HIVEP3: variants seen among roughly 807,000 people sequenced by gnomAD.
The protein encoded by HIVEP3 is transcription factor HIVEP3.
A neutral mutation model predicts 152.8 loss-of-function variants in HIVEP3; 49 were observed. The observed-to-expected ratio is 0.32, with a 90% confidence interval of 0.26 to 0.41. The LOEUF is 0.41. HIVEP3 is among the 10% of genes least tolerant of loss of function. The pLI, the probability that HIVEP3 is intolerant of heterozygous loss-of-function variation, is 1.00. For synonymous variants in HIVEP3, 1,269 were observed against 1,289.0 expected (o/e 0.98, Z 0.33); for missense variants, 2,790 against 3,103.3 (o/e 0.90, Z 2.40).
intron 1 of HIVEP3, among the ~76,000 whole-genome samples, chr1:41,944,279 T>C (rs1645062898): frequency 6.6e-6 from 1 of 152,226 alleles, no homozygotes; most frequent in Admixed American, 6.5e-5. Context: ...AATTTTGTTA[T>C]GTGTATTTTG....
At chr1:41,887,434 C>T (rs1317218876) in intron 1 of HIVEP3, among the ~76,000 whole-genome samples, 1 of 152,190 alleles carries the variant, frequency 6.6e-6, no homozygotes, top group Non-Finnish European at 1.5e-5. Flanking sequence ...TACAAAATCT[C>T]AACCCATCCC....
intron 1 of HIVEP3, among the ~76,000 whole-genome samples, chr1:41,868,053 A>G (rs1644011227): frequency 6.6e-6 from 1 of 151,920 alleles, no homozygotes; most frequent in African/African-American, 2.4e-5. Context: ...CTGAGCCCCA[A>G]CTGGCCCGCA....
chr1:41,586,636 T>C (rs1207964366), intron 3 of HIVEP3, among the ~76,000 whole-genome samples: 1 of 152,054 alleles, frequency 6.6e-6, no homozygotes, highest in Non-Finnish European at 1.5e-5. Context: ...GACTTGAAAA[T>C]GCCACTTACT....
intron 1 of HIVEP3, among the ~76,000 whole-genome samples, chr1:41,994,590 G>A (rs1401112269): frequency 6.6e-6 from 1 of 152,234 alleles, no homozygotes; most frequent in Non-Finnish European, 1.5e-5. Flanking sequence ...GCCATGTGAA[G>A]AAGGTGCTTG....
At chr1:41,997,655 C>T (rs1335162335) in intron 1 of HIVEP3, among the ~76,000 whole-genome samples, 1 of 152,146 alleles carries the variant, frequency 6.6e-6, no homozygotes, top group Non-Finnish European at 1.5e-5. Flanking sequence ...TGTTCTAATT[C>T]TCTAAGGACC....
intron 1 of HIVEP3, among the ~76,000 whole-genome samples, chr1:41,899,794 AC>A (rs1321591747): frequency 2.6e-5 from 4 of 151,998 alleles, no homozygotes; most frequent in Admixed American, 2.6e-4. Context: ...TACTATTATT[AC>A]CCCCCAGCTT....
chr1:41,683,492 G>A (rs1349679693), intron 2 of HIVEP3, among the ~76,000 whole-genome samples: 1 of 152,164 alleles, frequency 6.6e-6, no homozygotes, highest in African/African-American at 2.4e-5. Flanking sequence ...ATGAGTTCAC[G>A]GTGACTTCAG....
chr1:41,824,784 T>TATAGAGAG (rs1553266584), intron 1 of HIVEP3, among the ~76,000 whole-genome samples: 38 of 11,326 alleles, frequency 3.4e-3, no homozygotes, highest in South Asian at 5.2e-3. Context: ...TATATATATA[T>TATAGAGAG]AGAGAGAGAG....
chr1:41,622,297 A>C (rs1645057740), intron 3 of HIVEP3, among the ~76,000 whole-genome samples: 1 of 152,144 alleles, frequency 6.6e-6, no homozygotes, highest in Non-Finnish European at 1.5e-5. Flanking sequence ...TGCCATGGGG[A>C]AGGGGCACTC....
At chr1:41,669,680 C>T (rs1327877708) in intron 2 of HIVEP3, among the ~76,000 whole-genome samples, 1 of 152,188 alleles carries the variant, frequency 6.6e-6, no homozygotes, top group Non-Finnish European at 1.5e-5. Context: ...AGCCTACCCA[C>T]TTGCAGAATG....
At chr1:41,615,122 A>G (rs1644949196) in intron 3 of HIVEP3, among the ~76,000 whole-genome samples, 1 of 152,238 alleles carries the variant, frequency 6.6e-6, no homozygotes, top group African/African-American at 2.4e-5. Context: ...ATTGCTATTT[A>G]TGTAATAGTT....
At position 41,527,392 on chromosome 1, in the gene HIVEP3, A is replaced by C. The variant is rs552374413; in HGVS notation, c.5208-2482T>G. On this transcript the variant is annotated intron_variant, in intron 5 of 8. Coordinates refer to ENST00000372583, the MANE Select transcript of HIVEP3 (RefSeq NM_024503.5). ...CCCCTGCACTCACACTCGCACTCACACTCCACACCCTGCCCTCACACTCAC... is the reference window on the plus strand; with the variant it reads ...CCCCTGCACTCACACTCGCACTCACCCTCCACACCCTGCCCTCACACTCAC... 3.4e-4 allele frequency among the ~76,000 whole-genome samples: 32 copies of C among 94,312 alleles called. 1 individual carries two copies. The highest frequency in any genetic ancestry group is 7.7e-4 in the Admixed American group (7 of 9,132). 61.9% of individuals were successfully genotyped at this position (94,312 alleles called of 152,430 possible). A position where few individuals can be genotyped will look rare whatever the true frequency, so the allele number is the denominator to read the frequency against.
At chr1:41,857,796 C>T (rs547892064) in intron 1 of HIVEP3, among the ~76,000 whole-genome samples, 1 of 152,282 alleles carries the variant, frequency 6.6e-6, no homozygotes, top group South Asian at 2.1e-4. Flanking sequence ...CTGCTACCTC[C>T]TATTACCTCT....
intron 1 of HIVEP3, among the ~76,000 whole-genome samples, chr1:41,707,436 C>A (rs1208376458): frequency 6.6e-6 from 1 of 152,162 alleles, no homozygotes; most frequent in East Asian, 1.9e-4. Flanking sequence ...AAGGACTTAC[C>A]CTCTCTCGGA....
chr1:41,583,942 C>G lies in HIVEP3; in HGVS notation c.856G>C (p.Glu286Gln), dbSNP rs1644462999. 5 of 1,614,174 alleles carry G rather than the reference C, an allele frequency of 3.1e-6. No individual in the cohort carries two copies. Among genetic ancestry groups the G allele is most frequent in the Non-Finnish European group, 4.2e-6 (5 of 1,180,022 alleles). ...TGACCAGAGGTGGCACTAGTCTCCT[C>G]TTCAGAATCTGTGCTTTCTCCCTCA... ...PTEGESTDSE[E>Q]ETSATSGHPA... Residue 286 changes from glutamate (E) to glutamine (Q), a missense_variant, in exon 4 of 9, where the codon GAG becomes CAG. Physicochemically the swap from Glu to Gln is conservative, Grantham distance 29. Coordinates refer to ENST00000372583, the MANE Select transcript of HIVEP3 (RefSeq NM_024503.5). This position sits in a 1 kb window ranked among gnomAD's most constrained non-coding sequence, Gnocchi z 6.9.
intron 1 of HIVEP3, among the ~76,000 whole-genome samples, chr1:41,889,048 ACAC>A: frequency 1.4e-5 from 2 of 147,436 alleles, no homozygotes; most frequent in African/African-American, 5.1e-5. Context: ...ACACACACAC[ACAC>A]CACACAACAC....
At chr1:41,614,190 A>G (rs1644935575) in intron 3 of HIVEP3, among the ~76,000 whole-genome samples, 2 of 152,222 alleles carry the variant, frequency 1.3e-5, no homozygotes, top group South Asian at 4.1e-4. Flanking sequence ...ATGGTCAGAA[A>G]CAGATAGCAC....
chr1:41,535,911 C>G (rs768366784), intron 5 of HIVEP3: 5 of 151,566 alleles, frequency 3.3e-5, no homozygotes, highest in Non-Finnish European at 7.4e-5. Flanking sequence ...CCTCTCCTGC[C>G]CCCGGCAACT....
intron 5 of HIVEP3, among the ~76,000 whole-genome samples, chr1:41,550,334 G>T (rs956698298): frequency 8.5e-5 from 13 of 152,172 alleles, no homozygotes; most frequent in African/African-American, 2.9e-4. Flanking sequence ...TGTTCTTTTT[G>T]CTTAGGATTG....
Sources: allele counts gnomAD v4.1 joint callset (sites outside exome capture counted in the v4.1 genomes callset), GRCh38; gene constraint gnomAD v4.1.1; non-coding constraint Gnocchi (gnomAD v3.1); transcripts MANE v1.5; gene names NCBI Gene and HGNC (gene_info 2026-07-23, HGNC 2026-07-21).